The following IFIH1 variants were observed in gnomAD, a reference collection of about 807,000 sequenced individuals.
IFIH1 encodes interferon induced with helicase C domain 1.
A neutral mutation model predicts 107.4 loss-of-function variants in IFIH1; 125 were observed. The observed-to-expected ratio is 1.16, with a 90% CI of 1.01 to 1.35. The LOEUF is 1.35. Among genes scored for constraint, IFIH1 ranks in the 40% most tolerant of loss-of-function variants. The pLI, the probability that IFIH1 is intolerant of heterozygous loss-of-function variation, is 0.00. For missense variants in IFIH1, 1,333 were observed against 1,213.7 expected, an observed-to-expected ratio of 1.10 and a Z score of -1.46; for synonymous variants, 458 against 413.2, an observed-to-expected ratio of 1.11 and a Z score of -1.31.
In IFIH1 at chr2:162,273,851, C is replaced by A. The variant is rs1444920926; in HGVS notation, c.2398G>T (p.Glu800Ter). 6.2e-6 allele frequency: 10 copies of A among 1,611,154 alleles called. No homozygotes were observed. The highest frequency in any genetic ancestry group is 2.2e-5 in the East Asian group (1 of 44,812). ...CCATAACGGATAACAATGTTACATT[C>A]TTTAATATCCAGACCTTCTTCTGCC... Reference protein sequence around the residue: ...TVAEEGLDIKECNIVIRYGLV... With the variant: ...TVAEEGLDIK The change falls in exon 12 of 16, where the codon GAA becomes TAA. Residue 800 changes from glutamate to a stop codon, truncating the protein, a stop_gained. Coordinates refer to ENST00000649979, the MANE Select transcript of IFIH1 (RefSeq NM_022168.4). LOFTEE classifies it high-confidence loss of function.
Position 162,276,798 on chromosome 2 carries a change from T to C in IFIH1, c.2193A>G (p.Ala731=). The change falls in exon 11 of 16, where the codon GCA becomes GCG. Residue 731 remains alanine, a synonymous_variant. Transcript: ENST00000649979. ...GIIFTKTRQS[A]YALSQWITEN... ...CAGTAATCCACTGGGAAAGCGCATATGCACTCTGTCGTGTTTTTGTAAAGA... is the reference window on the plus strand; with the variant it reads ...CAGTAATCCACTGGGAAAGCGCATACGCACTCTGTCGTGTTTTTGTAAAGA... 1.2e-6 allele frequency: 2 copies of C among 1,614,054 alleles called. No homozygotes were observed. Among genetic ancestry groups the C allele is most frequent in the Non-Finnish European group, 8.5e-7 (1 of 1,179,952 alleles).
intron 1 of IFIH1, among the ~76,000 whole-genome samples, chr2:162,315,653 G>A (rs1683478358): frequency 6.6e-6 from 1 of 152,058 alleles, no homozygotes; most frequent in Non-Finnish European, 1.5e-5. Flanking sequence ...CAGTAATTTG[G>A]CCCAAAGTAA....
chr2:162,282,551 C>G lies in IFIH1; in HGVS notation c.1121G>C (p.Arg374Pro). ...CTTCAAAAATGGTTGGAACTCCTTG[C>G]GGAAGAGCTGTTCAACTAGCAGTAC... Reference protein sequence around the residue: ...NKVLLVEQLFRKEFQPFLKKW... With the variant: ...NKVLLVEQLFPKEFQPFLKKW... The change falls in exon 6 of 16, where the codon CGC (arginine) becomes CCC (proline). Residue 374 changes from arginine to proline, a missense_variant. Coordinates refer to ENST00000649979, the MANE Select transcript of IFIH1 (RefSeq NM_022168.4). The G allele has an allele frequency of 1.2e-6, 2 of 1,610,048 alleles. No individual in the cohort carries two copies. Among genetic ancestry groups the G allele is most frequent in the Non-Finnish European group, 1.7e-6 (2 of 1,177,824 alleles).
intron 4 of IFIH1, among the ~76,000 whole-genome samples, chr2:162,288,910 C>T (rs1398857494): frequency 7.1e-6 from 1 of 141,180 alleles, no homozygotes; most frequent in East Asian, 2.1e-4. Context: ...CAACCAAATA[C>T]CAAAAAGCAC....
At position 162,277,664 on chromosome 2, in the gene IFIH1, C is replaced by G; in HGVS notation, c.1795G>C (p.Val599Leu). ...TACTTCCTCAAATGTTCTGCACAAA[C>G]ACGTTCTTTGCGATTTCCTTCTTTT... is the stretch of plus-strand genomic sequence containing the variant. Reference protein sequence around the residue: ...AAKEGNRKERVCAEHLRKYNE... With the variant: ...AAKEGNRKERLCAEHLRKYNE... Residue 599 changes from valine (V) to leucine (L), a missense_variant, in exon 10 of 16, where the codon GTT (valine) becomes CTT (leucine). Physicochemically the swap from Val to Leu is conservative, Grantham distance 32. Transcript: ENST00000649979. 6.2e-7 allele frequency: 1 copy of G among 1,606,954 alleles called. No individual in the cohort carries two copies. The highest frequency in any genetic ancestry group is 8.5e-7 in the Non-Finnish European group (1 of 1,176,860).
At chr2:162,287,768 C>T (rs1053455659) in intron 5 of IFIH1, among the ~76,000 whole-genome samples, 11 of 151,828 alleles carry the variant, frequency 7.2e-5, no homozygotes, top group Admixed American at 2.0e-4. Context: ...TGGGGTCATT[C>T]ATATTCATTT....
At position 162,306,758 on chromosome 2, in the gene IFIH1, C is replaced by T. The variant is rs758318002; in HGVS notation, c.720G>A (p.Met240Ile). Residue 240 changes from methionine (M) to isoleucine (I), a missense_variant, in exon 3 of 16, where the codon ATG becomes ATA. Transcript: ENST00000649979. ...QPNLEKEVWGMENNSSESSFA... is the reference protein window; with the variant it reads ...QPNLEKEVWGIENNSSESSFA... ...AAGATGATTCTGATGAGTTATTCTC[C>T]ATGCCCCAGACCTCCTTCTCCAGAT... is the stretch of plus-strand genomic sequence containing the variant. 9 of 1,613,884 alleles carry T rather than the reference C, an allele frequency of 5.6e-6. No homozygotes were observed. Among genetic ancestry groups the T allele is most frequent in the Non-Finnish European group, 7.6e-6 (9 of 1,179,872 alleles).
At chr2:162,274,939 C>T (rs1312005698) in intron 11 of IFIH1, among the ~76,000 whole-genome samples, 1 of 152,172 alleles carries the variant, frequency 6.6e-6, no homozygotes, top group African/African-American at 2.4e-5. Context: ...TCCTAACTGT[C>T]GGAGAACCCT....
chr2:162,291,264 T>C (rs1682993282), intron 4 of IFIH1, among the ~76,000 whole-genome samples: 2 of 152,012 alleles, frequency 1.3e-5, no homozygotes, highest in Non-Finnish European at 2.9e-5. Flanking sequence ...TTTTGACAGC[T>C]GAGTTATTCT....
chr2:162,310,891 C>G lies in IFIH1; in HGVS notation c.496G>C (p.Glu166Gln), dbSNP rs1234872809. 6.2e-7 allele frequency: 1 copy of G among 1,613,604 alleles called. No homozygotes were observed. Among genetic ancestry groups the G allele is most frequent in the Non-Finnish European group, 8.5e-7 (1 of 1,179,680 alleles). The change falls in exon 2 of 16, where the codon GAG becomes CAG. Residue 166 changes from glutamate (E) to glutamine (Q), a missense_variant. Coordinates refer to ENST00000649979, the MANE Select transcript of IFIH1 (RefSeq NM_022168.4). ...ENNGNESGVR[E>Q]LLKRIVQKEN... ...TTCTGCACAATCCTTTTTAGTAGCT[C>G]TCTTACACCTGATTCATTTCCATTG...
At chr2:162,311,322 T>C (rs1003044186) in intron 1 of IFIH1, among the ~76,000 whole-genome samples, 10 of 152,152 alleles carry the variant, frequency 6.6e-5, no homozygotes, top group Non-Finnish European at 1.5e-5. Flanking sequence ...TTTCTTTCTG[T>C]ATATCTAGGG....
At chr2:162,305,295 C>A (rs779464131) in intron 3 of IFIH1, among the ~76,000 whole-genome samples, 15 of 152,122 alleles carry the variant, frequency 9.9e-5, no homozygotes, top group Non-Finnish European at 2.1e-4. Context: ...CAAGGCCAGG[C>A]GGAGTGGCTC....
Position 162,280,014 on chromosome 2 carries a change from A to G in IFIH1, c.1623T>C (p.Ile541=), listed in dbSNP as rs200947696. The G allele has an allele frequency of 8.1e-5, 129 of 1,598,844 alleles. No individual in the cohort carries two copies. The highest frequency in any genetic ancestry group is 1.7e-5 in the Admixed American group (1 of 59,818). Residue 541 remains isoleucine, a synonymous_variant, in exon 8 of 16, where the codon ATT becomes ATC. Coordinates refer to ENST00000649979, the MANE Select transcript of IFIH1 (RefSeq NM_022168.4). ...QIQEPCKKFA[I]ADATREDPFK... ...CCCATACTTCTCTGGTTGCATCTGCAATGGCAAACTTCTTGCATGGCTCCT... is the reference window on the plus strand; with the variant it reads ...CCCATACTTCTCTGGTTGCATCTGCGATGGCAAACTTCTTGCATGGCTCCT...
intron 3 of IFIH1, among the ~76,000 whole-genome samples, chr2:162,298,786 G>A (rs540110995): frequency 5.3e-5 from 8 of 149,642 alleles, no homozygotes; most frequent in African/African-American, 9.8e-5. Flanking sequence ...ACGCACGCGC[G>A]CGCGCACACA....
intron 3 of IFIH1, 152 bp from the exon 4 acceptor site, chr2:162,293,820 G>T (rs551841423): frequency 1.1e-5 from 6 of 537,454 alleles, no homozygotes; most frequent in Non-Finnish European, 2.0e-5. Context: ...AGCGCTTCTG[G>T]CAGGCTACAT....
At chr2:162,294,979 T>C (rs1418704361) in intron 3 of IFIH1, among the ~76,000 whole-genome samples, 1 of 151,994 alleles carries the variant, frequency 6.6e-6, no homozygotes, top group Admixed American at 6.6e-5. Context: ...AAGTAGTTAA[T>C]TTTTTCAAGT....
chr2:162,282,370 C>G lies in IFIH1; in HGVS notation c.1302G>C (p.Leu434Phe). ...AAAATAAACACTTAAACTGACCTGA[C>G]AATTGAACACCAGCATCTTCTCCAT... ...LENGEDAGVQ[L>F]SDFSLIIIDE... The change falls in exon 6 of 16, where the codon TTG becomes TTC. Residue 434 changes from leucine (L) to phenylalanine (F), a missense_variant. Physicochemically the swap from Leu to Phe is conservative, Grantham distance 22 (BLOSUM62 0). Coordinates refer to ENST00000649979, the MANE Select transcript of IFIH1 (RefSeq NM_022168.4). 2 of 1,603,884 alleles carry G rather than the reference C, an allele frequency of 1.2e-6. No homozygotes were observed. Among genetic ancestry groups the G allele is most frequent in the Non-Finnish European group, 1.7e-6 (2 of 1,172,782 alleles).
At position 162,267,218 on chromosome 2, in the gene IFIH1, T is replaced by C. The variant is rs755779570; in HGVS notation, c.3060A>G (p.Leu1020=). Residue 1020 remains leucine (L), a synonymous_variant, in exon 16 of 16, where the codon TTA becomes TTG. Coordinates refer to ENST00000649979, the MANE Select transcript of IFIH1 (RefSeq NM_022168.4). ...FPNLDYSECC[L]FSDED Reference sequence around the variant, plus strand: ...TCAAGTGCTAATCCTCATCACTAAATAAACAGCATTCTGAATAGTCAAGAT... The same window carrying C: ...TCAAGTGCTAATCCTCATCACTAAACAAACAGCATTCTGAATAGTCAAGAT... 1 of 1,592,690 alleles carries C rather than the reference T, an allele frequency of 6.3e-7. No homozygotes were observed. Among genetic ancestry groups the C allele is most frequent in the Admixed American group, 1.9e-5 (1 of 53,736 alleles).
chr2:162,268,793 T>C (rs1389682472), intron 13 of IFIH1, among the ~76,000 whole-genome samples: 1 of 152,132 alleles, frequency 6.6e-6, no homozygotes, highest in African/African-American at 2.4e-5. Flanking sequence ...TTTTGCCATG[T>C]TGCCCAGGCT....
Sources: gnomAD v4.1 joint callset for allele counts (sites outside exome capture counted in the v4.1 genomes callset) on GRCh38, gnomAD v4.1.1 for gene constraint, MANE v1.5 for transcripts, NCBI Gene and HGNC (gene_info 2026-07-23, HGNC 2026-07-21) for gene names.